CT45A1: variants seen among roughly 807,000 people sequenced by gnomAD.
The protein encoded by CT45A1 is cancer/testis antigen family 45 member A1, also known as cancer/testis antigen 45-1.
chrX:135,715,273 TATATAATACTTATATATATA>T (rs1556570936), intron 1 of CT45A1, among the ~76,000 whole-genome samples: 3 of 86,091 alleles, frequency 3.5e-5, no homozygotes, highest in African/African-American at 1.3e-4. Flanking sequence ...TACTTATATA[TATATAATACTTATATATATA>T]ATACTTATAT....
At chrX:135,710,619 A>G (rs1379359576), upstream of CT45A1, among the ~76,000 whole-genome samples, 6 of 112,300 alleles carry the variant, frequency 5.3e-5, no homozygotes, top group East Asian at 2.8e-4. Flanking sequence ...GGTGAGTGGA[A>G]GTCCATGCTA....
At chrX:135,710,391 A>T (rs1410064745), upstream of CT45A1, 1 of 112,484 alleles carries the variant, frequency 8.9e-6, no homozygotes, top group Non-Finnish European at 1.9e-5. Context: ...TCTCAAAAGC[A>T]ATGCAAGTGG....
intron 1 of CT45A1, among the ~76,000 whole-genome samples, chrX:135,718,722 C>A (rs1460999131): frequency 9.6e-6 from 1 of 104,375 alleles, no homozygotes; most frequent in African/African-American, 3.5e-5. Flanking sequence ...TTTGGTTATA[C>A]CATCTTTCTT....
intron 1 of CT45A1, among the ~76,000 whole-genome samples, chrX:135,717,338 C>G (rs1556571937): frequency 2.7e-5 from 3 of 111,608 alleles, no homozygotes. Flanking sequence ...CACTTGCAGC[C>G]AGGAGTTTGA....
intron 1 of CT45A1, 121 bp downstream of exon 1, chrX:135,713,811 T>G (rs781853753): frequency 9.3e-5 from 45 of 483,417 alleles, no homozygotes; most frequent in Non-Finnish European, 1.1e-4. Flanking sequence ...TGGTGTGTGG[T>G]AGGGCTCCCT....
chrX:135,709,768 A>G (rs139049107), upstream of CT45A1, among the ~76,000 whole-genome samples: 89 of 111,365 alleles, frequency 8.0e-4, 2 homozygotes, highest in East Asian at 0.022. Flanking sequence ...TACCTATTGG[A>G]TGCTCTCTTC....
At chrX:135,717,410 G>C (rs782783053) in intron 1 of CT45A1, among the ~76,000 whole-genome samples, 1 of 110,792 alleles carries the variant, frequency 9.0e-6, no homozygotes, top group Admixed American at 9.7e-5. Context: ...TTAGCCAGGC[G>C]TTGTGGCAGG....
upstream of CT45A1, among the ~76,000 whole-genome samples, chrX:135,712,856 C>T (rs191498813): frequency 1.1e-4 from 12 of 110,829 alleles, no homozygotes; most frequent in African/African-American, 3.6e-4. Flanking sequence ...ACAACCCCAT[C>T]CAATGAAGAT....
chrX:135,717,643 G>C (rs782180229), intron 1 of CT45A1, among the ~76,000 whole-genome samples: 55 of 111,948 alleles, frequency 4.9e-4, no homozygotes, highest in African/African-American at 1.7e-3. Flanking sequence ...TATAATTTTT[G>C]TGTAGTGCTG....
intron 1 of CT45A1, among the ~76,000 whole-genome samples, chrX:135,718,524 C>A (rs2883208): frequency 2.3e-4 from 25 of 109,435 alleles, no homozygotes; most frequent in African/African-American, 8.2e-4. Flanking sequence ...ACATATTTTG[C>A]ATAATATAAT....
chrX:135,708,931 T>C (rs1412838079), upstream of CT45A1, among the ~76,000 whole-genome samples: 5 of 111,046 alleles, frequency 4.5e-5, no homozygotes, highest in Middle Eastern at 4.6e-3. Context: ...AGAAAGGTGG[T>C]CATGGTCCCT....
At chrX:135,717,152 T>C in intron 1 of CT45A1, among the ~76,000 whole-genome samples, 1 of 112,448 alleles carries the variant, frequency 8.9e-6, no homozygotes, top group Non-Finnish European at 1.9e-5. Flanking sequence ...GATCTGCTTG[T>C]GAATTTTCAG....
intron 1 of CT45A1, among the ~76,000 whole-genome samples, chrX:135,718,408 T>C (rs1174857438): frequency 1.3e-4 from 14 of 110,943 alleles, no homozygotes; most frequent in Admixed American, 3.9e-4. Flanking sequence ...CAGATGTTGT[T>C]ATCAGTTTTG....
chrX:135,715,200 T>TTA (rs1171354887), intron 1 of CT45A1, among the ~76,000 whole-genome samples: 39 of 89,600 alleles, frequency 4.4e-4, no homozygotes, highest in African/African-American at 1.4e-3. Context: ...GCCATTACTA[T>TTA]TATATATATA....
At chrX:135,713,991 C>T (rs1353676453) in intron 1 of CT45A1, among the ~76,000 whole-genome samples, 24 of 99,963 alleles carry the variant, frequency 2.4e-4, no homozygotes, top group African/African-American at 2.3e-4. Flanking sequence ...GACCTGAGCC[C>T]GGGGGTGGGG....
At chrX:135,709,113 C>A (rs1249415430), upstream of CT45A1, among the ~76,000 whole-genome samples, 1 of 112,199 alleles carries the variant, frequency 8.9e-6, no homozygotes, top group Non-Finnish European at 1.9e-5. Flanking sequence ...AGGGATGTCA[C>A]GGTTGCTGAC....
intron 2 of CT45A1, among the ~76,000 whole-genome samples, 187 bp downstream of exon 2, chrX:135,719,296 T>C (rs1603085819): frequency 2.0e-5 from 1 of 50,680 alleles, no homozygotes; most frequent in Non-Finnish European, 3.7e-5. Flanking sequence ...TTTTTTTTTT[T>C]TAATTTCTTG....
upstream of CT45A1, among the ~76,000 whole-genome samples, chrX:135,709,861 C>T (rs1603078081): frequency 9.0e-6 from 1 of 111,321 alleles, no homozygotes; most frequent in African/African-American, 3.3e-5. Flanking sequence ...TACGTGTACC[C>T]TTCTGGTATT....
At chrX:135,712,915 T>TTTCTC (rs1442730867), upstream of CT45A1, among the ~76,000 whole-genome samples, 2 of 104,370 alleles carry the variant, frequency 1.9e-5, no homozygotes, top group Non-Finnish European at 3.9e-5. Context: ...TCTTTCTTTC[T>TTTCTC]TTCTTTTCTT....
Sources: gnomAD v4.1 joint callset for allele counts (sites outside exome capture counted in the v4.1 genomes callset) on GRCh38, gnomAD v4.1.1 for gene constraint, MANE v1.5 for transcripts, NCBI Gene and HGNC (gene_info 2026-07-23, HGNC 2026-07-21) for gene names.